Variants in ANKDD1B observed in about 807,000 individuals in gnomAD.
The protein encoded by ANKDD1B is ankyrin repeat and death domain containing 1B.
A neutral mutation model predicts 59.7 loss-of-function variants in ANKDD1B; 57 were observed. That is an observed-to-expected ratio of 0.95 (90% CI 0.77 to 1.19). ANKDD1B has a LOEUF of 1.19. ANKDD1B is among the 50% of genes most tolerant of loss of function. The pLI is 0.00. For synonymous variants in ANKDD1B, 216 were observed against 239.5 expected (o/e 0.90, Z 0.91); for missense variants, 602 against 641.9 (o/e 0.94, Z 0.67).
At position 75,671,362 on chromosome 5, in the gene ANKDD1B, G is replaced by C. The variant is rs76377470; in HGVS notation, c.*322G>C. On this transcript the variant is annotated 3_prime_UTR_variant, in exon 14 of 14. Coordinates refer to ENST00000601380, the MANE Select transcript of ANKDD1B (RefSeq NM_001276713.2). ...CTCATGGGAGCAGCATCATGGTACA[G>C]TAAAAAAACAAGGGTTTTTATAATA... 1,094 of 189,052 alleles carry C rather than the reference G, an allele frequency of 5.8e-3. 12 individuals carry two copies. Among genetic ancestry groups the C allele is most frequent in the Non-Finnish European group, 7.2e-3 (662 of 92,172 alleles). 11.7% of individuals were successfully genotyped at this position (189,052 alleles called of 1,614,324 possible).
intron 11 of ANKDD1B, 59 bp from the exon 12 acceptor site, chr5:75,666,733 A>G: frequency 7.9e-7 from 1 of 1,271,632 alleles, no homozygotes; most frequent in Non-Finnish European, 1.1e-6. Flanking sequence ...ATATACTCTG[A>G]AATAAGGTAA....
intron 1 of ANKDD1B, among the ~76,000 whole-genome samples, chr5:75,613,694 A>G (rs1206437930): frequency 6.6e-6 from 1 of 152,178 alleles, no homozygotes; most frequent in Non-Finnish European, 1.5e-5. Flanking sequence ...AGACTAGGGA[A>G]ATGTAGAGGC....
chr5:75,623,284 C>T (rs1325240953), intron 3 of ANKDD1B, among the ~76,000 whole-genome samples: 1 of 152,002 alleles, frequency 6.6e-6, no homozygotes, highest in Non-Finnish European at 1.5e-5. Flanking sequence ...AGGTTGGTCT[C>T]GAACTCCTGA....
intron 5 of ANKDD1B, among the ~76,000 whole-genome samples, chr5:75,630,595 G>A (rs575055307): frequency 9.2e-5 from 14 of 152,258 alleles, no homozygotes; most frequent in African/African-American, 3.1e-4. Flanking sequence ...TAGCAACCAC[G>A]GGTAAAAGAA....
At position 75,671,028 on chromosome 5, in the gene ANKDD1B, T is replaced by G; in HGVS notation, c.1575T>G (p.Cys525Trp). The G allele has an allele frequency of 1.6e-6, 2 of 1,227,392 alleles. No homozygotes were observed. The highest frequency in any genetic ancestry group is 2.0e-6 in the Non-Finnish European group (2 of 983,756). The allele number at this position is 1,227,392 out of a possible 1,614,324, so 76.0% of individuals were successfully genotyped here. A position where few individuals can be genotyped will look rare whatever the true frequency, so the allele number is the denominator to read the frequency against. The change falls in exon 14 of 14, where the codon TGT becomes TGG. Residue 525 changes from cysteine to tryptophan, a missense_variant. This residue lies in a region of ANKDD1B where 280 missense variants were observed against 319.8 expected (regional missense o/e 0.88). Coordinates refer to ENST00000601380, the MANE Select transcript of ANKDD1B (RefSeq NM_001276713.2). ...KSKTDSNSKK[C>W]VVS ...AAACTGACTCAAACTCCAAGAAATG[T>G]GTAGTTTCATAAATGCCTAAAGAAA...
At chr5:75,663,297 T>A in intron 10 of ANKDD1B, 97 bp from the exon 11 acceptor site, 1 of 887,406 alleles carries the variant, frequency 1.1e-6, no homozygotes, top group South Asian at 1.5e-5. Context: ...CATGGGCTGG[T>A]AGAATCAAGA....
In ANKDD1B at chr5:75,658,812, T is replaced by A. The variant is rs533311963; in HGVS notation, c.997-471T>A. On this transcript the variant is annotated intron_variant, in intron 9 of 13. Transcript: ENST00000601380. ...AAAATACACATAAAATCCACCATTT[T>A]AACCATCTTAAGTGTACAGTTCAGC... 3.0e-4 allele frequency among the ~76,000 whole-genome samples: 45 copies of A among 152,356 alleles called. 1 individual carries two copies. In the South Asian group the frequency reaches 9.1e-3, roughly 31 times the overall value.
intron 1 of ANKDD1B, among the ~76,000 whole-genome samples, chr5:75,615,668 CTG>C (rs113185824): frequency 0.13 from 18,005 of 143,724 alleles, 1,101 homozygotes; most frequent in South Asian, 0.22. Context: ...CTGGTCTTCC[CTG>C]TGTGTGTGTG....
intron 8 of ANKDD1B, among the ~76,000 whole-genome samples, chr5:75,654,764 G>A (rs536196158): frequency 8.5e-5 from 13 of 152,298 alleles, no homozygotes; most frequent in African/African-American, 2.2e-4. Context: ...TGTCTGATGC[G>A]TATCATTAAT....
Position 75,648,504 on chromosome 5 carries a change from A to G in ANKDD1B, c.799-4638A>G, listed in dbSNP as rs141399664. ...TTTGCCCTTAAGTATTTTGCTTTGT[A>G]GTGATTTTCATATGCACACGTTCTC... is the stretch of plus-strand genomic sequence containing the variant. On this transcript the variant is annotated intron_variant, in intron 7 of 13. Transcript: ENST00000601380. 3.3e-4 allele frequency among the ~76,000 whole-genome samples: 50 copies of G among 152,274 alleles called. No homozygotes were observed. The East Asian group carries it at 9.5e-3, about 29-fold the overall frequency.
rs928895208 is a variant in ANKDD1B at position 75,670,953 on chromosome 5, C to A, written c.1526-26C>A. ...CAGTGCTTTAAAAATTTTAGGTATT[C>A]ATAAATGTTATCTTATTTTTTCCAG... On this transcript the variant is annotated intron_variant, in intron 13 of 13. Coordinates refer to ENST00000601380, the MANE Select transcript of ANKDD1B (RefSeq NM_001276713.2). 47 of 1,128,798 alleles carry A rather than the reference C, an allele frequency of 4.2e-5. No individual in the cohort carries two copies. In the African/African-American group the frequency reaches 6.2e-4, roughly 15 times the overall value. The allele number at this position is 1,128,798 out of a possible 1,614,324, so 69.9% of individuals were successfully genotyped here.
chr5:75,652,658 C>G (rs769577375), intron 7 of ANKDD1B, among the ~76,000 whole-genome samples: 3 of 152,234 alleles, frequency 2.0e-5, no homozygotes, highest in Non-Finnish European at 2.9e-5. Flanking sequence ...GGGCTGATCT[C>G]AAACTCCTGG....
At chr5:75,618,544 T>A (rs1773770291) in intron 2 of ANKDD1B, among the ~76,000 whole-genome samples, 1 of 152,220 alleles carries the variant, frequency 6.6e-6, no homozygotes, top group East Asian at 1.9e-4. Flanking sequence ...TTGACATGGT[T>A]ACTTGTAGAG....
At chr5:75,664,107 T>G (rs2112027747) in intron 11 of ANKDD1B, among the ~76,000 whole-genome samples, 1 of 152,376 alleles carries the variant, frequency 6.6e-6, no homozygotes, top group Non-Finnish European at 1.5e-5. Flanking sequence ...GGCACCATTC[T>G]TGATTTATAG....
intron 10 of ANKDD1B, among the ~76,000 whole-genome samples, chr5:75,660,119 A>C (rs886694279): frequency 6.6e-6 from 1 of 152,268 alleles, no homozygotes; most frequent in Non-Finnish European, 1.5e-5. Flanking sequence ...ATACACACAC[A>C]TAAACACTGT....
At chr5:75,630,812 T>A (rs2112972796) in intron 5 of ANKDD1B, among the ~76,000 whole-genome samples, 1 of 152,380 alleles carries the variant, frequency 6.6e-6, no homozygotes, top group Non-Finnish European at 1.5e-5. Context: ...TTTCTTCATT[T>A]CTTAGCTGTC....
chr5:75,666,885 C>T lies in ANKDD1B; in HGVS notation c.1285C>T (p.Leu429Phe). 3 of 1,534,944 alleles carry T rather than the reference C, an allele frequency of 2.0e-6. No individual in the cohort carries two copies. Among genetic ancestry groups the T allele is most frequent in the Non-Finnish European group, 2.6e-6 (3 of 1,146,508 alleles). The part of the protein sequence containing the change: ...SLETRHIRTL[L>F]WDLAYHQLKA... ...GGAGACCAGACACATTCGCACGCTT[C>T]TCTGGGACCTGGCTTACCATCAGCT... Residue 429 changes from leucine (L) to phenylalanine (F), a missense_variant, in exon 12 of 14, where the codon CTC becomes TTC. Transcript: ENST00000601380.
chr5:75,648,405 C>A (rs1774717640), intron 7 of ANKDD1B, among the ~76,000 whole-genome samples: 2 of 152,062 alleles, frequency 1.3e-5, no homozygotes, highest in Admixed American at 6.6e-5. Flanking sequence ...CCTGGGAAGG[C>A]TTCCCAGGTT....
intron 9 of ANKDD1B, among the ~76,000 whole-genome samples, chr5:75,656,892 C>T (rs1054794284): frequency 2.6e-5 from 4 of 152,234 alleles, no homozygotes; most frequent in African/African-American, 9.6e-5. Flanking sequence ...TGTCCTAATA[C>T]ACTGTGAAAC....
Sources: allele counts gnomAD v4.1 joint callset (sites outside exome capture counted in the v4.1 genomes callset), GRCh38; gene constraint gnomAD v4.1.1; regional missense constraint gnomAD v4.1.1; transcripts MANE v1.5; gene names NCBI Gene and HGNC (gene_info 2026-07-23, HGNC 2026-07-21).